NEB: variants seen among roughly 807,000 people sequenced by gnomAD.
NEB encodes nebulin.
Under a neutral mutation model 952.2 loss-of-function variants are expected in NEB, and 512 were observed. The ratio of observed to expected loss-of-function variants is 0.54; its 90% CI spans 0.50 to 0.58. NEB has a LOEUF of 0.58. NEB is among the 20% of genes least tolerant of loss of function. The probability of loss-of-function intolerance (pLI) is 0.00; values close to 1 mark genes in which losing one functional copy is unlikely to be tolerated. For synonymous variants in NEB, 2,900 were observed against 3,149.8 expected (o/e 0.92, Z 2.66); for missense variants, 8,428 against 9,231.1 (o/e 0.91, Z 3.56).
rs2096639951 is a variant in NEB, at chr2:151,571,853, G to T, written c.17014-1252C>A. Among the ~76,000 whole-genome samples, 3 of 152,164 alleles carry T rather than the reference G, an allele frequency of 2.0e-5. No homozygotes were observed. The South Asian group carries it at 6.2e-4, about 32-fold the overall frequency. On this transcript the variant is annotated intron_variant, in intron 107 of 181. Transcript: ENST00000397345. ...CACAGAAAGAAGTGGATTTTAATTA[G>T]TGACAGTTTTGTAGCTTTTGCATGT...
rs1381235274 is a variant in NEB, at chr2:151,534,134, C to G, written c.21313-588G>C. 3 of 1,022,940 alleles carry G rather than the reference C, an allele frequency of 2.9e-6. No homozygotes were observed. The African/African-American group carries it at 4.8e-5, about 16-fold the overall frequency. The allele number at this position is 1,022,940 out of a possible 1,614,324, so 63.4% of individuals were successfully genotyped here. On this transcript the variant is annotated intron_variant, in intron 142 of 181. Coordinates refer to ENST00000397345, the MANE Select transcript of NEB (RefSeq NM_001164508.2). Reference sequence around the variant, plus strand: ...TATCATAGGCAGAACCTATGACATCCTTGCAGCAGACGGGATGACATCTCA... The same window carrying G: ...TATCATAGGCAGAACCTATGACATCGTTGCAGCAGACGGGATGACATCTCA...
rs371791129 is a variant in NEB at position 151,717,526 on chromosome 2, G to A, written c.718-6C>T. 3.6e-5 allele frequency: 58 copies of A among 1,599,428 alleles called. No individual in the cohort carries two copies. The South Asian group carries it at 5.2e-4, about 14-fold the overall frequency. ...AGACCTTTTTTGTAGGCAACCTGAT[G>A]AAATAAAAGACAGGGATGTATTTTA... On this transcript the variant is annotated splice_region_variant and splice_polypyrimidine_tract_variant and intron_variant, in intron 9 of 181. Transcript: ENST00000397345.
chr2:151,516,331 T>C (rs1346981402), intron 157 of NEB, 128 bp downstream of exon 157: 5 of 598,298 alleles, frequency 8.4e-6, no homozygotes, highest in Non-Finnish European at 1.5e-5. Context: ...AAGATTTTAG[T>C]GATCACATGA....
chr2:151,562,296 G>C (rs2096116494), intron 120 of NEB, 82 bp from the exon 121 acceptor site: 1 of 1,216,382 alleles, frequency 8.2e-7, no homozygotes, highest in Non-Finnish European at 1.2e-6. Flanking sequence ...ATCAGCTGTT[G>C]GCTGTGCTTA....
chr2:151,622,038 C>T (rs1281838629), intron 71 of NEB, among the ~76,000 whole-genome samples: 1 of 152,116 alleles, frequency 6.6e-6, no homozygotes, highest in African/African-American at 2.4e-5. Context: ...TTGAGACAGT[C>T]TCACTCTGTC....
chr2:151,559,769 A>G (rs182013841), intron 124 of NEB, among the ~76,000 whole-genome samples: 95 of 152,308 alleles, frequency 6.2e-4, no homozygotes, highest in Non-Finnish European at 1.1e-3. Flanking sequence ...GGAGGGGAAC[A>G]TCACACACTG....
intron 38 of NEB, among the ~76,000 whole-genome samples, chr2:151,669,700 G>T (rs1461474480): frequency 6.6e-6 from 1 of 152,198 alleles, no homozygotes; most frequent in Non-Finnish European, 1.5e-5. Context: ...AAGGGCCACA[G>T]AGAAGAGGGT....
intron 38 of NEB, among the ~76,000 whole-genome samples, chr2:151,669,937 A>G (rs2099265474): frequency 6.6e-6 from 1 of 152,124 alleles, no homozygotes; most frequent in Non-Finnish European, 1.5e-5. Context: ...TGGCTGAGAG[A>G]TATTTAGGAA....
chr2:151,491,686 T>C lies in NEB; in HGVS notation c.25147A>G (p.Asn8383Asp). Residue 8383 changes from asparagine (N) to aspartate (D), a missense_variant, in exon 179 of 182, where the codon AAT (asparagine) becomes GAT (aspartate). By Grantham distance (23) the Asn-to-Asp change is conservative (BLOSUM62 1). Around this residue, in one of 11 missense-constraint regions of NEB, gnomAD observed 3,374 missense variants for 3,651.5 expected, o/e 0.92. Coordinates refer to ENST00000397345, the MANE Select transcript of NEB (RefSeq NM_001164508.2). ...NIQSRSLHMI[N>D]VQAQRRSREQ... is the part of the protein sequence containing the mutation. ...AAGCCTTTTTCAGCTAACACACCAT[T>C]AATCATGTGTAAGCTTCGGGACTGG... The C allele has an allele frequency of 6.3e-7, 1 of 1,586,670 alleles. No individual in the cohort carries two copies. Among genetic ancestry groups the C allele is most frequent in the Non-Finnish European group, 8.6e-7 (1 of 1,164,664 alleles).
Position 151,553,902 on chromosome 2 carries a change from G to A in NEB, c.19552C>T (p.Leu6518Phe). The part of the protein sequence containing the change: ...KVSEIDYRLR[L>F]HEWICHPDLQ... ...TCGGGGTGGCAAATCCATTCGTGGA[G>A]GCGCAGGCGGTAATCAATCTCACTG... Residue 6518 changes from leucine to phenylalanine, a missense_variant, in exon 126 of 182, where the codon CTC becomes TTC. This residue lies in a region of NEB where 3,374 missense variants were observed against 3,651.5 expected (regional missense o/e 0.92). Coordinates refer to ENST00000397345, the MANE Select transcript of NEB (RefSeq NM_001164508.2). 6.2e-7 allele frequency: 1 copy of A among 1,613,910 alleles called. No individual in the cohort carries two copies. The highest frequency in any genetic ancestry group is 1.1e-5 in the South Asian group (1 of 91,088).
chr2:151,529,929 G>C (rs1223302178), intron 145 of NEB, among the ~76,000 whole-genome samples: 1 of 152,154 alleles, frequency 6.6e-6, no homozygotes, highest in African/African-American at 2.4e-5. Context: ...CTTGAGTTCA[G>C]AACATCTTGA....
intron 4 of NEB, among the ~76,000 whole-genome samples, chr2:151,728,484 TAGTC>T (rs2099797303): frequency 6.6e-6 from 1 of 152,228 alleles, no homozygotes; most frequent in Admixed American, 6.5e-5. Flanking sequence ...TCCCTTGGCT[TAGTC>T]AGTTAATTAA....
chr2:151,724,249 C>A lies in NEB; in HGVS notation c.612+11G>T, dbSNP rs1189525712. 2.5e-6 allele frequency: 4 copies of A among 1,602,114 alleles called. No homozygotes were observed. The African/African-American group carries it at 5.4e-5, about 21-fold the overall frequency. On this transcript the variant is annotated intron_variant, in intron 8 of 181. Coordinates refer to ENST00000397345, the MANE Select transcript of NEB (RefSeq NM_001164508.2). The stretch of plus-strand genomic sequence containing the variant: ...TAGGAAGACAGAAGTGGCAATGGAG[C>A]AGACCCTTACCTTGCTGAACATGGC...
rs1318353591 is a variant in NEB, at chr2:151,485,850, A to G, written c.25488T>C (p.Val8496=). The stretch of plus-strand genomic sequence containing the variant: ...ACATCCAGCCTTCATCAATTGCTTG[A>G]ACATTTATGATGGCATCTCCATCCT... ...SFKDGDAIIN[V]QAIDEGWMYG... Residue 8496 remains valine, a synonymous_variant, in exon 182 of 182, where the codon GTT becomes GTC. Coordinates refer to ENST00000397345, the MANE Select transcript of NEB (RefSeq NM_001164508.2). 1 of 1,613,896 alleles carries G rather than the reference A, an allele frequency of 6.2e-7. No individual in the cohort carries two copies. The highest frequency in any genetic ancestry group is 8.5e-7 in the Non-Finnish European group (1 of 1,179,888).
chr2:151,704,470 C>G (rs2149738340), intron 13 of NEB, among the ~76,000 whole-genome samples: 1 of 150,588 alleles, frequency 6.6e-6, no homozygotes, highest in African/African-American at 2.4e-5. Context: ...TCGCTGCCGC[C>G]TTGCAGTTTG....
Position 151,684,845 on chromosome 2 carries a change from C to G in NEB, c.2768G>C (p.Ser923Thr), listed in dbSNP as rs1248431061. The G allele has an allele frequency of 6.2e-7, 1 of 1,613,402 alleles. No individual in the cohort carries two copies. The highest frequency in any genetic ancestry group is 8.5e-7 in the Non-Finnish European group (1 of 1,179,634). Residue 923 changes from serine (S) to threonine (T), a missense_variant, in exon 28 of 182, where the codon AGT becomes ACT. This residue lies in a region of NEB where 2,851 missense variants were observed against 2,791.5 expected (regional missense o/e 1.02). Coordinates refer to ENST00000397345, the MANE Select transcript of NEB (RefSeq NM_001164508.2). ...GATGCTATCAGGGGGGTAGCTGTAA[C>G]TGTGTAAGATGTGCTTATAATCAAC... ...SDVDYKHILH[S>T]YSYPPDSINV...
chr2:151,625,436 T>C, intron 71 of NEB, 98 bp downstream of exon 71: 1 of 886,528 alleles, frequency 1.1e-6, no homozygotes, highest in South Asian at 2.5e-5. Context: ...CCAACTAAGC[T>C]AACTGGCTTA....
rs375534633 is a variant in NEB at position 151,570,186 on chromosome 2, A to G, written c.17325T>C (p.Ala5775=). Reference sequence around the variant, plus strand: ...TGCGGTAATCCATGTCACTGACCAGAGCCTGGGAATTTTTAGAGTGCAGGA... The same window carrying G: ...TGCGGTAATCCATGTCACTGACCAGGGCCTGGGAATTTTTAGAGTGCAGGA... ...LSILHSKNSQ[A]LVSDMDYRNY... The change falls in exon 109 of 182, where the codon GCT becomes GCC. Residue 5775 remains alanine, a synonymous_variant. Coordinates refer to ENST00000397345, the MANE Select transcript of NEB (RefSeq NM_001164508.2). 1 of 1,613,662 alleles carries G rather than the reference A, an allele frequency of 6.2e-7. No individual in the cohort carries two copies. Among genetic ancestry groups the G allele is most frequent in the Non-Finnish European group, 8.5e-7 (1 of 1,179,778 alleles).
intron 62 of NEB, 81 bp from the exon 63 acceptor site, chr2:151,639,465 A>AT (rs2098819895): frequency 4.8e-6 from 5 of 1,041,278 alleles, no homozygotes; most frequent in African/African-American, 3.2e-5. Flanking sequence ...CAAAAACTTT[A>AT]TAAAAAAAAA....
Sources: gnomAD v4.1 joint callset for allele counts (sites outside exome capture counted in the v4.1 genomes callset) on GRCh38, gnomAD v4.1.1 for gene constraint, gnomAD v4.1.1 regional missense constraint, MANE v1.5 for transcripts, NCBI Gene and HGNC (gene_info 2026-07-23, HGNC 2026-07-21) for gene names.